FBXL17: variants seen among roughly 807,000 people sequenced by gnomAD.
FBXL17 encodes F-box and leucine rich repeat protein 17.
Under a neutral mutation model 66.2 loss-of-function variants are expected in FBXL17, and 22 were observed. That is an observed-to-expected ratio of 0.33 (90% CI 0.24 to 0.47). The LOEUF is 0.47. FBXL17 is among the 20% of genes least tolerant of loss of function. FBXL17 has a pLI of 1.00. For synonymous variants in FBXL17, 474 were observed against 400.5 expected (o/e 1.18, Z -2.19); for missense variants, 878 against 948.2 (o/e 0.93, Z 0.97).
intron 6 of FBXL17, among the ~76,000 whole-genome samples, chr5:108,131,428 A>C (rs189432263): frequency 6.6e-6 from 1 of 152,284 alleles, no homozygotes; most frequent in East Asian, 1.9e-4. Context: ...ACGATTTAAA[A>C]TTGCAGTGAG....
chr5:107,895,615 T>C (rs1264085179), intron 7 of FBXL17, among the ~76,000 whole-genome samples: 2 of 152,118 alleles, frequency 1.3e-5, no homozygotes, highest in Non-Finnish European at 2.9e-5. Flanking sequence ...TCACTCCCCA[T>C]CCCCGCTTTT....
At chr5:108,308,357 G>GAAAATATTCCC (rs1217356331) in intron 4 of FBXL17, among the ~76,000 whole-genome samples, 1 of 151,910 alleles carries the variant, frequency 6.6e-6, no homozygotes, top group Non-Finnish European at 1.5e-5. Flanking sequence ...ATCCTATAAG[G>GAAAATATTCCC]AAAATATTCC....
intron 7 of FBXL17, among the ~76,000 whole-genome samples, chr5:107,924,635 A>C (rs1233402495): frequency 1.3e-5 from 2 of 152,198 alleles, no homozygotes; most frequent in African/African-American, 4.8e-5. Context: ...CTATCAATGT[A>C]CCCAGCATCT....
intron 6 of FBXL17, among the ~76,000 whole-genome samples, chr5:108,036,828 C>T (rs904520637): frequency 5.9e-5 from 9 of 152,120 alleles, no homozygotes; most frequent in African/African-American, 1.9e-4. Context: ...TTGTTATATA[C>T]TTAGCATTTG....
intron 4 of FBXL17, among the ~76,000 whole-genome samples, chr5:108,301,707 AT>A (rs1758596425): frequency 6.6e-6 from 1 of 151,822 alleles, no homozygotes; most frequent in South Asian, 2.1e-4. Flanking sequence ...TATATCAGTC[AT>A]TGGTATAAAT....
chr5:107,864,022 G>A (rs557268274), intron 8 of FBXL17, among the ~76,000 whole-genome samples: 1 of 152,352 alleles, frequency 6.6e-6, no homozygotes, highest in African/African-American at 2.4e-5. Context: ...TTATCTTTGG[G>A]CTGTTCAAAA....
intron 3 of FBXL17, among the ~76,000 whole-genome samples, chr5:108,348,739 A>T (rs1375689123): frequency 2.0e-5 from 3 of 152,132 alleles, no homozygotes; most frequent in Non-Finnish European, 4.4e-5. Flanking sequence ...GTTTCAACCA[A>T]CTCACATTAC....
At chr5:108,239,399 G>A (rs1755752199) in intron 4 of FBXL17, among the ~76,000 whole-genome samples, 2 of 152,304 alleles carry the variant, frequency 1.3e-5, no homozygotes, top group Middle Eastern at 6.8e-3. Flanking sequence ...TGTGCTTTGG[G>A]AAGAGACAGT....
intron 6 of FBXL17, among the ~76,000 whole-genome samples, chr5:108,080,747 T>A (rs190643032): frequency 1.6e-3 from 247 of 152,264 alleles, no homozygotes; most frequent in Middle Eastern, 3.4e-3. Context: ...TGGCAATTGG[T>A]TGAAGGAGTT....
At chr5:108,207,787 G>C (rs1234791402) in intron 5 of FBXL17, among the ~76,000 whole-genome samples, 1 of 152,178 alleles carries the variant, frequency 6.6e-6, no homozygotes, top group Non-Finnish European at 1.5e-5. Flanking sequence ...AAACATACGT[G>C]TGCATGTGTC....
intron 4 of FBXL17, chr5:108,299,735 A>AC (rs938218190): frequency 2.8e-5 from 28 of 984,818 alleles, no homozygotes; most frequent in Non-Finnish European, 2.4e-6. Context: ...TAAGTTATCC[A>AC]CTCTGCAGGA....
chr5:108,090,860 T>C (rs115861329), intron 6 of FBXL17, among the ~76,000 whole-genome samples: 1,684 of 152,322 alleles, frequency 0.011, 35 homozygotes, highest in African/African-American at 0.037. Context: ...TTAGTTTTAC[T>C]TGAGGATATT....
chr5:108,363,786 C>T (rs576059577), intron 3 of FBXL17, among the ~76,000 whole-genome samples: 6 of 152,050 alleles, frequency 3.9e-5, no homozygotes, highest in South Asian at 4.1e-4. Flanking sequence ...GTTCTTAATA[C>T]ATACACCTTT....
chr5:108,017,411 AGAG>A (rs920059314), intron 7 of FBXL17, among the ~76,000 whole-genome samples: 2 of 152,202 alleles, frequency 1.3e-5, no homozygotes, highest in African/African-American at 4.8e-5. Flanking sequence ...CACATTTGGA[AGAG>A]GAGAAGGCTA....
chr5:107,864,794 C>G (rs1748226219), intron 8 of FBXL17, among the ~76,000 whole-genome samples: 1 of 152,216 alleles, frequency 6.6e-6, no homozygotes, highest in Non-Finnish European at 1.5e-5. Flanking sequence ...TCCTGTACAC[C>G]TGCAGAACCA....
intron 5 of FBXL17, among the ~76,000 whole-genome samples, chr5:108,209,132 G>A (rs140078474): frequency 0.013 from 1,952 of 152,256 alleles, 34 homozygotes; most frequent in African/African-American, 0.043. Context: ...TGGTGTATAG[G>A]AATGCTTGTG....
intron 7 of FBXL17, among the ~76,000 whole-genome samples, chr5:107,941,687 G>A (rs902057169): frequency 3.9e-5 from 6 of 152,122 alleles, no homozygotes; most frequent in African/African-American, 1.2e-4. Flanking sequence ...CCACGTTAGA[G>A]ATATAGAAAG....
At chr5:107,990,688 C>T (rs1236268803) in intron 7 of FBXL17, among the ~76,000 whole-genome samples, 3 of 152,086 alleles carry the variant, frequency 2.0e-5, no homozygotes, top group African/African-American at 7.2e-5. Flanking sequence ...ATATTAGTTA[C>T]TATTATGAAT....
In FBXL17 at chr5:107,964,521, G is replaced by A. The variant is rs1167473742; in HGVS notation, c.1822+56404C>T. Among the ~76,000 whole-genome samples the A allele has an allele frequency of 2.0e-5, 3 of 151,970 alleles. No homozygotes were observed. The South Asian group carries it at 6.2e-4, about 32-fold the overall frequency. ...CATAACTACACAAGATAAAAATCCTGAGCCAAGAAGCTGTACCCAATTCTC... is the reference window on the plus strand; with the variant it reads ...CATAACTACACAAGATAAAAATCCTAAGCCAAGAAGCTGTACCCAATTCTC... On this transcript the variant is annotated intron_variant, in intron 7 of 8. Transcript: ENST00000542267.
Sources: allele counts gnomAD v4.1 joint callset (sites outside exome capture counted in the v4.1 genomes callset), GRCh38; gene constraint gnomAD v4.1.1; transcripts MANE v1.5; gene names NCBI Gene and HGNC (gene_info 2026-07-23, HGNC 2026-07-21).